The following ADGRG7 variants were observed in gnomAD, a reference collection of about 807,000 sequenced individuals.
The protein encoded by ADGRG7 is G-protein coupled receptor 128.
Under a neutral mutation model 88.6 loss-of-function variants are expected in ADGRG7, and 82 were observed. That is an observed-to-expected ratio of 0.93 (90% CI 0.77 to 1.11). The LOEUF is 1.11. Among genes scored for constraint, ADGRG7 ranks in the 50% most tolerant of loss-of-function variants. The pLI, the probability that ADGRG7 is intolerant of heterozygous loss-of-function variation, is 0.00. For synonymous variants in ADGRG7, 381 were observed against 345.2 expected (o/e 1.10, Z -1.15); for missense variants, 945 against 953.4 (o/e 0.99, Z 0.12).
At chr3:100,666,804 G>C (rs983811291) in intron 14 of ADGRG7, among the ~76,000 whole-genome samples, 4 of 152,292 alleles carry the variant, frequency 2.6e-5, no homozygotes, top group African/African-American at 4.8e-5. Flanking sequence ...AGAGGTCCCT[G>C]AGTGTTTGTG....
intron 6 of ADGRG7, among the ~76,000 whole-genome samples, chr3:100,640,714 G>A (rs747468702): frequency 1.3e-5 from 2 of 152,070 alleles, no homozygotes; most frequent in Non-Finnish European, 2.9e-5. Flanking sequence ...TAGAGACAGG[G>A]TTTCACCATG....
intron 15 of ADGRG7, among the ~76,000 whole-genome samples, chr3:100,691,151 G>A (rs945327384): frequency 2.0e-5 from 3 of 152,220 alleles, no homozygotes; most frequent in East Asian, 1.9e-4. Flanking sequence ...ATGGGCGTAG[G>A]ACCCTCCGAC....
intron 15 of ADGRG7, among the ~76,000 whole-genome samples, chr3:100,690,833 G>T (rs972573092): frequency 2.6e-5 from 4 of 152,206 alleles, no homozygotes; most frequent in Non-Finnish European, 4.4e-5. Flanking sequence ...ACTTGAGGAG[G>T]CAGTCTGCCC....
At chr3:100,691,158 C>T (rs568673425) in intron 15 of ADGRG7, among the ~76,000 whole-genome samples, 70 of 152,330 alleles carry the variant, frequency 4.6e-4, no homozygotes, top group South Asian at 1.9e-3. Context: ...TAGGACCCTC[C>T]GACCCAGGTG....
chr3:100,637,222 C>A, intron 5 of ADGRG7, 80 bp from the exon 6 acceptor site: 1 of 966,918 alleles, frequency 1.0e-6, no homozygotes, highest in Non-Finnish European at 1.6e-6. Flanking sequence ...CTTGCTACTA[C>A]AATGATTCAT....
chr3:100,623,794 T>C (rs1245228733), intron 1 of ADGRG7, among the ~76,000 whole-genome samples: 1 of 152,112 alleles, frequency 6.6e-6, no homozygotes, highest in Non-Finnish European at 1.5e-5. Context: ...AGTGAGAACA[T>C]GCGGTGTTTG....
chr3:100,618,043 G>T (rs1707250857), intron 1 of ADGRG7, among the ~76,000 whole-genome samples: 1 of 152,046 alleles, frequency 6.6e-6, no homozygotes, highest in Non-Finnish European at 1.5e-5. Context: ...CATATCCTTC[G>T]CTCGCTTTTT....
intron 14 of ADGRG7, 98 bp from the exon 15 acceptor site, chr3:100,668,850 TG>T: frequency 1.3e-6 from 1 of 772,876 alleles, no homozygotes. Flanking sequence ...ACAATGTATA[TG>T]GGCAGCTGAA....
chr3:100,674,768 G>A (rs1216389023), intron 15 of ADGRG7, among the ~76,000 whole-genome samples: 2 of 151,942 alleles, frequency 1.3e-5, no homozygotes, highest in Non-Finnish European at 2.9e-5. Context: ...TAGTAGAGAC[G>A]GGGTTTCACC....
chr3:100,628,483 C>G (rs1707413830), intron 1 of ADGRG7, among the ~76,000 whole-genome samples: 2 of 151,968 alleles, frequency 1.3e-5, no homozygotes, highest in African/African-American at 4.8e-5. Context: ...CTCAGCCTCC[C>G]AAGTAACTGG....
At chr3:100,678,100 A>G (rs760766336) in intron 15 of ADGRG7, among the ~76,000 whole-genome samples, 1 of 151,582 alleles carries the variant, frequency 6.6e-6, no homozygotes, top group South Asian at 2.1e-4. Context: ...GTGGGCATGC[A>G]TCATTAATTT....
At chr3:100,625,094 C>T (rs534650668) in intron 1 of ADGRG7, among the ~76,000 whole-genome samples, 9 of 152,068 alleles carry the variant, frequency 5.9e-5, no homozygotes, top group Admixed American at 1.3e-4. Flanking sequence ...TAGTTTGATG[C>T]GAATAGAATT....
chr3:100,649,807 G>A lies in ADGRG7; in HGVS notation c.1379G>A (p.Arg460Lys), dbSNP rs748383173. 1.9e-6 allele frequency: 3 copies of A among 1,542,070 alleles called. No homozygotes were observed. Among genetic ancestry groups the A allele is most frequent in the Non-Finnish European group, 2.7e-6 (3 of 1,117,258 alleles). The change falls in exon 11 of 16, where the codon AGG (arginine) becomes AAG (lysine). Residue 460 changes from arginine to lysine, a missense_variant and splice_region_variant. Coordinates refer to ENST00000273352, the MANE Select transcript of ADGRG7 (RefSeq NM_032787.3). ...ALTVIFQIVTRKVRKTSVTWV... is the reference protein window; with the variant it reads ...ALTVIFQIVTKKVRKTSVTWV... ...ACAGTTATATTTCAGATTGTCACCA[G>A]GTAAGAGCAGAAGCAGGCTCTTTTC...
At chr3:100,632,689 C>G (rs1226063832) in intron 3 of ADGRG7, among the ~76,000 whole-genome samples, 1 of 152,086 alleles carries the variant, frequency 6.6e-6, no homozygotes, top group Non-Finnish European at 1.5e-5. Flanking sequence ...CAAAGCTGGT[C>G]CTGAGGAAAA....
intron 14 of ADGRG7, among the ~76,000 whole-genome samples, chr3:100,667,701 A>G (rs2094953637): frequency 6.6e-6 from 1 of 152,050 alleles, no homozygotes; most frequent in South Asian, 2.1e-4. Context: ...CAGTAATGGG[A>G]TTGCTGGGTC....
intron 14 of ADGRG7, among the ~76,000 whole-genome samples, chr3:100,666,404 C>T (rs888727889): frequency 6.6e-6 from 1 of 152,062 alleles, no homozygotes; most frequent in Non-Finnish European, 1.5e-5. Flanking sequence ...AACATGTGAA[C>T]AAAGGTCTTT....
At position 100,646,005 on chromosome 3, in the gene ADGRG7, C is replaced by T. The variant is rs768825729; in HGVS notation, c.1007C>T (p.Thr336Ile). ...YQNDKLFQSK[T>I]FTAKSDFSQK... Reference sequence around the variant, plus strand: ...AATGACAAGCTTTTCCAATCAAAAACTTTTACAGCTAAATCGGATTTTAGT... The same window carrying T: ...AATGACAAGCTTTTCCAATCAAAAATTTTTACAGCTAAATCGGATTTTAGT... Residue 336 changes from threonine to isoleucine, a missense_variant, in exon 9 of 16, where the codon ACT becomes ATT. By Grantham distance (89) the Thr-to-Ile change is moderately conservative. Transcript: ENST00000273352. 7.4e-6 allele frequency: 12 copies of T among 1,613,928 alleles called. No homozygotes were observed. The South Asian group carries it at 1.3e-4, about 18-fold the overall frequency.
intron 12 of ADGRG7, 116 bp from the exon 13 acceptor site, chr3:100,655,783 A>G: frequency 3.0e-6 from 2 of 660,952 alleles, no homozygotes; most frequent in South Asian, 4.3e-5. Flanking sequence ...TATATTGTCC[A>G]TAGTGAAAAC....
At chr3:100,621,775 A>T (rs1472677215) in intron 1 of ADGRG7, among the ~76,000 whole-genome samples, 2 of 152,230 alleles carry the variant, frequency 1.3e-5, no homozygotes, top group African/African-American at 4.8e-5. Flanking sequence ...TGTATAAAAC[A>T]GGCTTCTATT....
Sources: gnomAD v4.1 joint callset for allele counts (sites outside exome capture counted in the v4.1 genomes callset) on GRCh38, gnomAD v4.1.1 for gene constraint, MANE v1.5 for transcripts, NCBI Gene and HGNC (gene_info 2026-07-23, HGNC 2026-07-21) for gene names.